ABCB1: variants seen among roughly 807,000 people sequenced by gnomAD.
ABCB1 encodes the protein ATP binding cassette subfamily B member 1.
A neutral mutation model predicts 142.0 loss-of-function variants in ABCB1; 69 were observed. That is an observed-to-expected ratio of 0.49 (90% CI 0.40 to 0.59). ABCB1 has a LOEUF of 0.59. ABCB1 is among the 20% of genes least tolerant of loss of function. The pLI, the probability that ABCB1 is intolerant of heterozygous loss-of-function variation, is 0.00. For synonymous variants in ABCB1, 532 were observed against 539.2 expected, an observed-to-expected ratio of 0.99 and a Z score of 0.18; for missense variants, 1,326 against 1,554.7, an observed-to-expected ratio of 0.85 and a Z score of 2.47.
chr7:87,545,198 C>T (rs889479482), intron 15 of ABCB1, among the ~76,000 whole-genome samples, 199 bp from the exon 16 acceptor site: 1 of 152,066 alleles, frequency 6.6e-6, no homozygotes, highest in Non-Finnish European at 1.5e-5. Context: ...CGAAAACCAC[C>T]AAAGAAGAAT....
chr7:87,702,546 C>T (rs1002939102), intron 1 of ABCB1, among the ~76,000 whole-genome samples: 1 of 152,110 alleles, frequency 6.6e-6, no homozygotes, highest in Non-Finnish European at 1.5e-5. Flanking sequence ...TCCCGAAGTG[C>T]TGGATTACAG....
chr7:87,507,109 T>C (rs1235303267), intron 26 of ABCB1, among the ~76,000 whole-genome samples: 2 of 152,188 alleles, frequency 1.3e-5, no homozygotes, highest in Admixed American at 1.3e-4. Flanking sequence ...TAAATCCTAG[T>C]ATTAATCACT....
At chr7:87,584,030 T>A (rs768648991) in intron 4 of ABCB1, among the ~76,000 whole-genome samples, 43 of 152,182 alleles carry the variant, frequency 2.8e-4, no homozygotes, top group Non-Finnish European at 5.4e-4. Context: ...AAAAGAAAGG[T>A]ACCAGTTCAG....
At chr7:87,536,610 G>A (rs190347116) in intron 19 of ABCB1, 69 bp from the exon 20 acceptor site, 80 of 1,437,670 alleles carry the variant, frequency 5.6e-5, no homozygotes, top group Admixed American at 1.9e-4. Context: ...AGAGGGCAGC[G>A]ATGGGGTCAG....
At chr7:87,594,938 A>C (rs1324897517) in intron 3 of ABCB1, among the ~76,000 whole-genome samples, 1 of 152,174 alleles carries the variant, frequency 6.6e-6, no homozygotes, top group Non-Finnish European at 1.5e-5. Flanking sequence ...TGTTGGACTT[A>C]ATTGGTTTAG....
chr7:87,563,045 T>C (rs1467281800), intron 7 of ABCB1, among the ~76,000 whole-genome samples: 3 of 152,276 alleles, frequency 2.0e-5, no homozygotes, highest in South Asian at 2.1e-4. Context: ...TCTGTGCACA[T>C]AAACTAGAAA....
At chr7:87,566,010 G>C (rs972597329) in intron 7 of ABCB1, 60 bp downstream of exon 7, 2 of 1,571,440 alleles carry the variant, frequency 1.3e-6, no homozygotes, top group Middle Eastern at 1.7e-4. Flanking sequence ...CCTTTCCGTA[G>C]GGTGAGAGCA....
chr7:87,664,245 G>A (rs1227964298), intron 1 of ABCB1, among the ~76,000 whole-genome samples: 1 of 152,130 alleles, frequency 6.6e-6, no homozygotes, highest in Non-Finnish European at 1.5e-5. Context: ...AGGGTCACTT[G>A]AGGCCAGGAG....
intron 1 of ABCB1, among the ~76,000 whole-genome samples, chr7:87,658,611 A>G (rs1388178825): frequency 6.6e-6 from 1 of 152,204 alleles, no homozygotes; most frequent in African/African-American, 2.4e-5. Flanking sequence ...AAATAAAGAC[A>G]AAGAAAAAAT....
chr7:87,566,491 A>G (rs1229035109), intron 6 of ABCB1, among the ~76,000 whole-genome samples: 1 of 152,242 alleles, frequency 6.6e-6, no homozygotes, highest in African/African-American at 2.4e-5. Context: ...CAAATTGCTC[A>G]GAAATTTCCT....
chr7:87,678,160 C>T (rs1473436347), intron 1 of ABCB1, among the ~76,000 whole-genome samples: 1 of 152,170 alleles, frequency 6.6e-6, no homozygotes, highest in East Asian at 1.9e-4. Flanking sequence ...TTTTTCTCCT[C>T]TATTAAGGTC....
intron 1 of ABCB1, among the ~76,000 whole-genome samples, chr7:87,678,168 G>T (rs1239282596): frequency 1.3e-5 from 2 of 152,116 alleles, no homozygotes; most frequent in African/African-American, 4.8e-5. Context: ...CTCTATTAAG[G>T]TCTTTCAATA....
chr7:87,561,001 AGG>A (rs1469348846), intron 8 of ABCB1, among the ~76,000 whole-genome samples: 1 of 152,228 alleles, frequency 6.6e-6, no homozygotes, highest in Non-Finnish European at 1.5e-5. Flanking sequence ...AAAAAATCAG[AGG>A]TATAAAATAC....
In ABCB1 at chr7:87,539,323, C is replaced by G; in HGVS notation, c.2342G>C (p.Gly781Ala). ...TCGGAGCCGCTTGGTGAGGATCTCT[C>G]CAGCTTTGCCAAATGTGAAACCCTG... ...FLQGFTFGKA[G>A]EILTKRLRYM... The change falls in exon 19 of 28, where the codon GGA becomes GCA. Residue 781 changes from glycine to alanine, a missense_variant. Coordinates refer to ENST00000622132, the MANE Select transcript of ABCB1 (RefSeq NM_001348946.2). 7 of 1,614,124 alleles carry G rather than the reference C, an allele frequency of 4.3e-6. No homozygotes were observed. The highest frequency in any genetic ancestry group is 1.7e-4 in the Middle Eastern group (1 of 6,056).
rs1186395381 is a variant in ABCB1, at chr7:87,516,980, T to C, written c.2928-315A>G. ...TCGAACTACCGGGCTGAAGTGAACC[T>C]CCTGCTTCAGCCTCCAAAAGTGCCG... On this transcript the variant is annotated intron_variant, in intron 23 of 27. Coordinates refer to ENST00000622132, the MANE Select transcript of ABCB1 (RefSeq NM_001348946.2). 3.3e-5 allele frequency among the ~76,000 whole-genome samples: 5 copies of C among 151,990 alleles called. No homozygotes were observed. In the East Asian group the frequency reaches 9.7e-4, roughly 29 times the overall value.
rs1003978651 is a variant in ABCB1, at chr7:87,550,155, G to A, written c.1350+16C>T. ...TGCTGATCACCGCAGGGTCTAGCTC[G>A]CATGGGTCATCTCACCATCCCCTCT... is the stretch of plus-strand genomic sequence containing the variant. On this transcript the variant is annotated intron_variant, in intron 12 of 27. Coordinates refer to ENST00000622132, the MANE Select transcript of ABCB1 (RefSeq NM_001348946.2). 28 of 1,613,958 alleles carry A rather than the reference G, an allele frequency of 1.7e-5. No individual in the cohort carries two copies. Among genetic ancestry groups the A allele is most frequent in the Admixed American group, 3.3e-5 (2 of 60,012 alleles).
At chr7:87,658,448 GA>G (rs1209940874) in intron 1 of ABCB1, among the ~76,000 whole-genome samples, 1 of 152,102 alleles carries the variant, frequency 6.6e-6, no homozygotes, top group Non-Finnish European at 1.5e-5. Context: ...TTGAAGGAGA[GA>G]AGAAAGAAGG....
intron 1 of ABCB1, among the ~76,000 whole-genome samples, chr7:87,679,087 CTTT>C (rs35353390): frequency 2.8e-4 from 17 of 60,756 alleles, no homozygotes; most frequent in South Asian, 6.3e-4. Flanking sequence ...AACACCCCAA[CTTT>C]TTTTTTTTTT....
At chr7:87,694,272 A>G (rs894119261) in intron 1 of ABCB1, among the ~76,000 whole-genome samples, 7 of 152,166 alleles carry the variant, frequency 4.6e-5, no homozygotes, top group Non-Finnish European at 7.4e-5. Context: ...CAGTCTCAGT[A>G]AAACATAGAT....
Sources: gnomAD v4.1 joint callset for allele counts (sites outside exome capture counted in the v4.1 genomes callset) on GRCh38, gnomAD v4.1.1 for gene constraint, MANE v1.5 for transcripts, NCBI Gene and HGNC (gene_info 2026-07-23, HGNC 2026-07-21) for gene names.